Variants in PDE2A observed in about 807,000 individuals in gnomAD.
PDE2A encodes cGMP-dependent 3',5'-cyclic phosphodiesterase.
Under a neutral mutation model 133.6 loss-of-function variants are expected in PDE2A, and 53 were observed. The observed-to-expected ratio is 0.40, with a 90% CI of 0.32 to 0.50. The LOEUF (loss-of-function observed/expected upper bound fraction) is 0.50. PDE2A is among the 20% of genes least tolerant of loss of function. The pLI is 0.73. For synonymous variants in PDE2A, 491 were observed against 490.2 expected, an observed-to-expected ratio of 1.00 and a Z score of -0.02; for missense variants, 796 against 1,232.4, an observed-to-expected ratio of 0.65 and a Z score of 5.30.
At chr11:72,602,672 T>C (rs949449821) in intron 4 of PDE2A, among the ~76,000 whole-genome samples, 1 of 152,074 alleles carries the variant, frequency 6.6e-6, no homozygotes, top group African/African-American at 2.4e-5. Context: ...GACTTGGGAG[T>C]GCAAGTAGCA....
intron 1 of PDE2A, among the ~76,000 whole-genome samples, chr11:72,654,916 C>T (rs1435866075): frequency 1.3e-5 from 2 of 149,274 alleles, no homozygotes; most frequent in East Asian, 4.2e-4. Context: ...CATAGGGTGA[C>T]TCTTGCAGCA....
chr11:72,651,359 C>T (rs1378590318), intron 1 of PDE2A, among the ~76,000 whole-genome samples: 1 of 152,080 alleles, frequency 6.6e-6, no homozygotes, highest in Non-Finnish European at 1.5e-5. Context: ...GCAGCAAGCA[C>T]CTGTGTCTGC....
At chr11:72,619,877 G>A (rs145127176) in intron 2 of PDE2A, among the ~76,000 whole-genome samples, 106 of 152,212 alleles carry the variant, frequency 7.0e-4, no homozygotes, top group African/African-American at 2.4e-3. Flanking sequence ...TTCCTCATCC[G>A]TAAAATGGTC....
chr11:72,628,330 G>A (rs563097024), intron 2 of PDE2A, among the ~76,000 whole-genome samples: 1 of 143,578 alleles, frequency 7.0e-6, no homozygotes, highest in African/African-American at 2.7e-5. Flanking sequence ...AATGATAGAG[G>A]TTCTTTTTTT....
rs779361121 is a variant in PDE2A at position 72,582,535 on chromosome 11, T to C, written c.1760A>G (p.His587Arg). 2.2e-5 allele frequency: 36 copies of C among 1,613,460 alleles called. No individual in the cohort carries two copies. The highest frequency in any genetic ancestry group is 2.8e-5 in the Non-Finnish European group (33 of 1,179,542). Reference sequence around the variant, plus strand: ...GGCAGCCACAGGCTGGATCCCATCATGGAGAAGTTTGGTATACTCATCATC... The same window carrying C: ...GGCAGCCACAGGCTGGATCCCATCACGGAGAAGTTTGGTATACTCATCATC... The part of the protein sequence containing the change: ...VSDDEYTKLL[H>R]DGIQPVAAID... The change falls in exon 21 of 31, where the codon CAT (histidine) becomes CGT (arginine). Residue 587 changes from histidine to arginine, a missense_variant. Physicochemically the swap from His to Arg is conservative, Grantham distance 29 (BLOSUM62 0). Transcript: ENST00000334456.
chr11:72,654,929 C>T (rs1854849212), intron 1 of PDE2A, among the ~76,000 whole-genome samples: 1 of 152,196 alleles, frequency 6.6e-6, no homozygotes, highest in African/African-American at 2.4e-5. Context: ...TTGCAGCACC[C>T]ACCCGAGACC....
chr11:72,580,672 A>C lies in PDE2A; in HGVS notation c.2134-48T>G, dbSNP rs556250534. On this transcript the variant is annotated intron_variant, in intron 24 of 30. Transcript: ENST00000334456. ...TGGTCACTCCTCACATCCGGATCCA[A>C]GTGCCACTGCTTTAGGCTGAGCAGT... The C allele has an allele frequency of 2.8e-6, 4 of 1,431,726 alleles. No homozygotes were observed. The African/African-American group carries it at 5.6e-5, about 20-fold the overall frequency. 88.7% of individuals were successfully genotyped at this position (1,431,726 alleles called of 1,614,324 possible).
intron 6 of PDE2A, among the ~76,000 whole-genome samples, chr11:72,593,884 C>T (rs999546987): frequency 1.3e-4 from 20 of 152,230 alleles, no homozygotes; most frequent in African/African-American, 4.6e-4. Context: ...CTTGCCATCA[C>T]GTGTGATCCT....
intron 2 of PDE2A, among the ~76,000 whole-genome samples, chr11:72,639,526 C>T (rs1045176756): frequency 1.3e-5 from 2 of 152,226 alleles, no homozygotes; most frequent in Non-Finnish European, 2.9e-5. Context: ...AAAGACACCA[C>T]CCAGGCCTCA....
chr11:72,667,231 G>A (rs1247295762), intron 1 of PDE2A, among the ~76,000 whole-genome samples: 1 of 152,144 alleles, frequency 6.6e-6, no homozygotes, highest in Non-Finnish European at 1.5e-5. Flanking sequence ...ACAACTGGAA[G>A]CTCACATTCA....
intron 1 of PDE2A, among the ~76,000 whole-genome samples, chr11:72,663,861 TC>T (rs1855151065): frequency 6.6e-6 from 1 of 152,204 alleles, no homozygotes; most frequent in Admixed American, 6.5e-5. Context: ...CCATGCCCTC[TC>T]TGTTCTTCGG....
At chr11:72,671,248 AGT>A (rs1855377088) in intron 1 of PDE2A, among the ~76,000 whole-genome samples, 1 of 152,214 alleles carries the variant, frequency 6.6e-6, no homozygotes, top group South Asian at 2.1e-4. Context: ...GGACTCAGTC[AGT>A]GTCTGCTCTG....
At chr11:72,638,816 G>A (rs1286884345) in intron 2 of PDE2A, among the ~76,000 whole-genome samples, 2 of 152,202 alleles carry the variant, frequency 1.3e-5, no homozygotes, top group East Asian at 1.9e-4. Context: ...AAAAGGTACC[G>A]TGAAAGCTTG....
intron 2 of PDE2A, among the ~76,000 whole-genome samples, chr11:72,617,974 G>A (rs2135388328): frequency 6.6e-6 from 1 of 152,302 alleles, no homozygotes; most frequent in East Asian, 1.9e-4. Flanking sequence ...CGGGGTCCCA[G>A]CCACCATGCT....
At chr11:72,615,081 C>T (rs779613892) in intron 2 of PDE2A, 1 of 516,022 alleles carries the variant, frequency 1.9e-6, no homozygotes, top group Non-Finnish European at 4.0e-6. Context: ...AACAGGGCCG[C>T]GTCTCCAGCC....
chr11:72,619,049 TGC>T (rs937419692), intron 2 of PDE2A, among the ~76,000 whole-genome samples: 7 of 145,556 alleles, frequency 4.8e-5, no homozygotes, highest in African/African-American at 7.7e-5. Flanking sequence ...GCACACAGCG[TGC>T]GCACACACAC....
intron 16 of PDE2A, 58 bp downstream of exon 16, chr11:72,585,313 T>C: frequency 7.1e-7 from 1 of 1,409,172 alleles, no homozygotes; most frequent in Non-Finnish European, 1.0e-6. Context: ...GGAAAGGAGA[T>C]GATGGGGACT....
At chr11:72,640,963 C>T (rs1028795746) in intron 2 of PDE2A, among the ~76,000 whole-genome samples, 5 of 152,182 alleles carry the variant, frequency 3.3e-5, no homozygotes, top group African/African-American at 9.7e-5. Context: ...ATCCCACTCT[C>T]GATGACACAT....
intron 1 of PDE2A, 129 bp from the exon 2 acceptor site, chr11:72,642,455 C>A: frequency 9.4e-7 from 1 of 1,058,672 alleles, no homozygotes; most frequent in Non-Finnish European, 1.2e-6. Flanking sequence ...CCTGGTCCGC[C>A]CGAGTGTCCG....
Sources: gnomAD v4.1 joint callset for allele counts (sites outside exome capture counted in the v4.1 genomes callset) on GRCh38, gnomAD v4.1.1 for gene constraint, MANE v1.5 for transcripts, NCBI Gene and HGNC (gene_info 2026-07-23, HGNC 2026-07-21) for gene names.